The following CLSTN2 variants were observed in gnomAD, a reference collection of about 807,000 sequenced individuals.
The protein encoded by CLSTN2 is calsyntenin-2.
A neutral mutation model predicts 101.2 loss-of-function variants in CLSTN2; 48 were observed. The observed-to-expected ratio is 0.47, with a 90% CI of 0.38 to 0.60. The LOEUF (loss-of-function observed/expected upper bound fraction) is 0.60, where lower values mean the gene tolerates loss of function less well. CLSTN2 is among the 20% of genes least tolerant of loss of function. The pLI, the probability that CLSTN2 is intolerant of heterozygous loss-of-function variation, is 0.00. For missense variants in CLSTN2, 1,160 were observed against 1,238.2 expected (o/e 0.94, Z 0.95); for synonymous variants, 481 against 463.6 (o/e 1.04, Z -0.48).
At chr3:140,123,979 G>A (rs1043370707) in intron 1 of CLSTN2, among the ~76,000 whole-genome samples, 1 of 152,022 alleles carries the variant, frequency 6.6e-6, no homozygotes, top group African/African-American at 2.4e-5. Flanking sequence ...CACACTGGGG[G>A]TTAGGGCTTC....
At chr3:140,331,359 C>A (rs1293987802) in intron 2 of CLSTN2, among the ~76,000 whole-genome samples, 1 of 152,136 alleles carries the variant, frequency 6.6e-6, no homozygotes, top group Non-Finnish European at 1.5e-5. Flanking sequence ...TTGCACAGTC[C>A]ACTGATTCAC....
intron 1 of CLSTN2, among the ~76,000 whole-genome samples, chr3:140,051,540 G>A (rs2007992985): frequency 1.3e-5 from 2 of 152,190 alleles, no homozygotes; most frequent in South Asian, 4.1e-4. Flanking sequence ...AGTGCCGTCT[G>A]CTGGCTGCAA....
intron 1 of CLSTN2, among the ~76,000 whole-genome samples, chr3:139,996,228 C>CT (rs57088781): frequency 0.51 from 77,328 of 151,792 alleles, 21,898 homozygotes; most frequent in Non-Finnish European, 0.62. Context: ...TCTTCTGGGA[C>CT]TTTTTTTTCA....
At chr3:140,259,896 G>T (rs2086635433) in intron 2 of CLSTN2, among the ~76,000 whole-genome samples, 1 of 151,962 alleles carries the variant, frequency 6.6e-6, no homozygotes, top group Non-Finnish European at 1.5e-5. Flanking sequence ...AATAAAGACA[G>T]ATCTGTGTAC....
chr3:140,170,392 T>C (rs150840601), intron 1 of CLSTN2, among the ~76,000 whole-genome samples: 96 of 152,320 alleles, frequency 6.3e-4, no homozygotes, highest in African/African-American at 2.2e-3. Flanking sequence ...AAAATCCTGA[T>C]GTGAGGGAAA....
chr3:140,354,950 G>T lies in CLSTN2; in HGVS notation c.233-48679G>T, dbSNP rs139250201. 6.0e-4 allele frequency among the ~76,000 whole-genome samples: 92 copies of T among 152,240 alleles called. 1 individual carries two copies. In the Middle Eastern group the frequency reaches 0.01, roughly 17 times the overall value. ...CAGACACTCTTCAGGGTGTGAGGTG[G>T]CTCTTCAAACACCTTCATTTGCTCC... On this transcript the variant is annotated intron_variant, in intron 2 of 16. Transcript: ENST00000458420.
In CLSTN2 at chr3:140,408,555, C is replaced by T. The variant is rs142164856; in HGVS notation, c.637+3789C>T. On this transcript the variant is annotated intron_variant, in intron 4 of 16. Coordinates refer to ENST00000458420, the MANE Select transcript of CLSTN2 (RefSeq NM_022131.3). ...TTACCATTACGGAACTCAGCAGCTTCTGCCACTGAGGAAACCAACAACCAG... is the reference window on the plus strand; with the variant it reads ...TTACCATTACGGAACTCAGCAGCTTTTGCCACTGAGGAAACCAACAACCAG... Among the ~76,000 whole-genome samples, 634 of 152,330 alleles carry T rather than the reference C, an allele frequency of 4.2e-3. 11 individuals carry two copies. The highest frequency in any genetic ancestry group is 0.014 in the African/African-American group (579 of 41,576).
chr3:140,494,197 C>T (rs1934404756), intron 8 of CLSTN2, among the ~76,000 whole-genome samples: 1 of 152,182 alleles, frequency 6.6e-6, no homozygotes, highest in Admixed American at 6.5e-5. Flanking sequence ...ATCATACATT[C>T]AGGGTGCAAA....
At chr3:140,301,201 C>A (rs1164224712) in intron 2 of CLSTN2, among the ~76,000 whole-genome samples, 1 of 152,132 alleles carries the variant, frequency 6.6e-6, no homozygotes, top group South Asian at 2.1e-4. Flanking sequence ...TCTGGGCACC[C>A]CTTGTCAGCT....
intron 1 of CLSTN2, among the ~76,000 whole-genome samples, chr3:139,948,421 C>A (rs567968664): frequency 6.6e-6 from 1 of 151,376 alleles, no homozygotes; most frequent in Admixed American, 6.6e-5. Flanking sequence ...GCCAAGATAG[C>A]GCCATTGCAC....
chr3:140,384,667 A>G (rs1053712866), intron 2 of CLSTN2, among the ~76,000 whole-genome samples: 8 of 152,210 alleles, frequency 5.3e-5, no homozygotes, highest in Admixed American at 1.3e-4. Flanking sequence ...GTTTTAAAGT[A>G]TGAAACTGTG....
At chr3:140,408,238 T>A (rs945709228) in intron 4 of CLSTN2, among the ~76,000 whole-genome samples, 10 of 152,110 alleles carry the variant, frequency 6.6e-5, no homozygotes, top group Admixed American at 6.5e-4. Context: ...GAGAAAAGGA[T>A]AACAGGATGA....
At chr3:140,515,948 A>C (rs886818070) in intron 8 of CLSTN2, among the ~76,000 whole-genome samples, 1 of 151,796 alleles carries the variant, frequency 6.6e-6, no homozygotes, top group African/African-American at 2.4e-5. Context: ...TAAAGCCCCC[A>C]CTATTATTGT....
chr3:140,281,451 G>T (rs1284107263), intron 2 of CLSTN2, among the ~76,000 whole-genome samples: 3 of 152,136 alleles, frequency 2.0e-5, no homozygotes, highest in Non-Finnish European at 2.9e-5. Context: ...TATCCAGATG[G>T]CTTCTCACTT....
At chr3:140,157,632 T>A (rs1281849608) in intron 1 of CLSTN2, among the ~76,000 whole-genome samples, 2 of 152,230 alleles carry the variant, frequency 1.3e-5, no homozygotes, top group African/African-American at 2.4e-5. Flanking sequence ...TTTTATTCCT[T>A]TGTTAATCTG....
rs569875994 is a variant in CLSTN2 at position 140,392,909 on chromosome 3, G to A, written c.233-10720G>A. Among the ~76,000 whole-genome samples the A allele has an allele frequency of 4.5e-4, 68 of 152,094 alleles. 1 individual carries two copies. The highest frequency in any genetic ancestry group is 1.6e-3 in the African/African-American group (66 of 41,472). On this transcript the variant is annotated intron_variant, in intron 2 of 16. Coordinates refer to ENST00000458420, the MANE Select transcript of CLSTN2 (RefSeq NM_022131.3). ...TGGTCGAGGGGCCACAACTGGTGAG[G>A]CCCTTCTTGCCGGTGGGGACTCTGC...
chr3:140,403,958 G>C (rs575617426), intron 3 of CLSTN2, 134 bp downstream of exon 3: 4 of 697,994 alleles, frequency 5.7e-6, no homozygotes, highest in Admixed American at 3.1e-5. Context: ...CTGCTTGGCA[G>C]TTTCCTGGTC....
At chr3:140,288,211 A>T (rs1008230602) in intron 2 of CLSTN2, among the ~76,000 whole-genome samples, 1 of 152,068 alleles carries the variant, frequency 6.6e-6, no homozygotes, top group African/African-American at 2.4e-5. Flanking sequence ...GATTATTAAC[A>T]TGTTTTATAT....
At chr3:140,545,638 G>C (rs1208730409) in intron 9 of CLSTN2, among the ~76,000 whole-genome samples, 1 of 152,208 alleles carries the variant, frequency 6.6e-6, no homozygotes, top group Non-Finnish European at 1.5e-5. Flanking sequence ...TCCTAGGGAA[G>C]GCGAGGCTTC....
Sources: allele counts gnomAD v4.1 joint callset (sites outside exome capture counted in the v4.1 genomes callset), GRCh38; gene constraint gnomAD v4.1.1; transcripts MANE v1.5; gene names NCBI Gene and HGNC (gene_info 2026-07-23, HGNC 2026-07-21).